The following MOV10L1 variants were observed in gnomAD, a reference collection of about 807,000 sequenced individuals.
MOV10L1 encodes Mov10 like RNA helicase 1.
A neutral mutation model predicts 143.8 loss-of-function variants in MOV10L1; 110 were observed. That is an observed-to-expected ratio of 0.76 (90% CI 0.66 to 0.90). MOV10L1 has a LOEUF of 0.90. Ranked by LOEUF, MOV10L1 falls within the 40% of genes least tolerant of loss-of-function variation. The pLI, the probability that MOV10L1 is intolerant of heterozygous loss-of-function variation, is 0.00. For missense variants in MOV10L1, 1,406 were observed against 1,526.8 expected (o/e 0.92, Z 1.32); for synonymous variants, 593 against 581.1 (o/e 1.02, Z -0.29).
At chr22:50,092,301 C>T (rs1379007827) in intron 2 of MOV10L1, 116 bp downstream of exon 2, 1 of 881,590 alleles carries the variant, frequency 1.1e-6, no homozygotes, top group Non-Finnish European at 1.7e-6. Context: ...GTGGAATGTA[C>T]CTTCAAGGGG....
At chr22:50,099,421 G>C (rs1413859628) in intron 2 of MOV10L1, 22 bp from the exon 3 acceptor site, 21 of 1,611,612 alleles carry the variant, frequency 1.3e-5, no homozygotes, top group Non-Finnish European at 1.5e-5. Context: ...TTATGGTTTA[G>C]AGCGGTGTGT....
chr22:50,117,089 A>T, intron 8 of MOV10L1, 68 bp from the exon 9 acceptor site: 1 of 1,462,684 alleles, frequency 6.8e-7, no homozygotes, highest in Non-Finnish European at 9.3e-7. Context: ...TGTATGTACA[A>T]AGGAAAATTG....
chr22:50,110,584 G>C (rs984517570), intron 5 of MOV10L1, among the ~76,000 whole-genome samples: 1 of 152,064 alleles, frequency 6.6e-6, no homozygotes, highest in Non-Finnish European at 1.5e-5. Flanking sequence ...CTGTTTTGTT[G>C]TTTCACATTT....
At chr22:50,160,223 T>TC (rs995782730) in intron 24 of MOV10L1, among the ~76,000 whole-genome samples, 1 of 40,420 alleles carries the variant, frequency 2.5e-5, no homozygotes, top group Admixed American at 2.8e-4. Flanking sequence ...CTTCTCCCCC[T>TC]CCCCCCACCT....
chr22:50,102,349 G>A (rs568330482), intron 3 of MOV10L1, among the ~76,000 whole-genome samples: 17 of 152,326 alleles, frequency 1.1e-4, no homozygotes, highest in East Asian at 3.9e-4. Context: ...GTCGTACCAC[G>A]TAGCTGAAAG....
In MOV10L1 at chr22:50,136,095, C is replaced by T. The variant is rs1038978288; in HGVS notation, c.2070+1465C>T. Among the ~76,000 whole-genome samples the T allele has an allele frequency of 2.6e-5, 4 of 152,152 alleles. No individual in the cohort carries two copies. The South Asian group carries it at 6.2e-4, about 24-fold the overall frequency. ...AATGCCTATACAATCATGGAAAATACGACAAATGAAGCAGCAAGAGGTTAT... is the reference window on the plus strand; with the variant it reads ...AATGCCTATACAATCATGGAAAATATGACAAATGAAGCAGCAAGAGGTTAT... On this transcript the variant is annotated intron_variant, in intron 15 of 26. Transcript: ENST00000262794.
chr22:50,157,761 CAAAAAAAA>C (rs35212822), intron 22 of MOV10L1, among the ~76,000 whole-genome samples: 4 of 120,326 alleles, frequency 3.3e-5, no homozygotes, highest in Admixed American at 8.5e-5. Flanking sequence ...GGTCTAATAT[CAAAAAAAA>C]AAAAAAAAAA....
chr22:50,159,659 C>A lies in MOV10L1; in HGVS notation c.3217-19C>A. 2 of 1,488,370 alleles carry A rather than the reference C, an allele frequency of 1.3e-6. No homozygotes were observed. Among genetic ancestry groups the A allele is most frequent in the South Asian group, 1.2e-5 (1 of 86,228 alleles). The allele number at this position is 1,488,370 out of a possible 1,614,324, so 92.2% of individuals were successfully genotyped here. A position where few individuals can be genotyped will look rare whatever the true frequency, so the allele number is the denominator to read the frequency against. ...TTGTACAGTGTTATCTTTAGTCTTT[C>A]TTTTAATCTGTTCTCAAGGTGGAGA... On this transcript the variant is annotated intron_variant, in intron 23 of 26. Coordinates refer to ENST00000262794, the MANE Select transcript of MOV10L1 (RefSeq NM_018995.3). This position sits in a 1 kb window ranked among gnomAD's most constrained non-coding sequence, Gnocchi z 4.1.
chr22:50,125,913 G>A (rs1005672558), intron 11 of MOV10L1, among the ~76,000 whole-genome samples: 2 of 151,260 alleles, frequency 1.3e-5, no homozygotes, highest in Non-Finnish European at 2.9e-5. Context: ...TTAGCCTCCC[G>A]AGTAGCTGGA....
At chr22:50,143,968 T>C (rs974346588) in intron 17 of MOV10L1, 129 bp from the exon 18 acceptor site, 1 of 1,229,604 alleles carries the variant, frequency 8.1e-7, no homozygotes, top group Non-Finnish European at 1.1e-6. Context: ...TCTCAGTGTG[T>C]TGGGGGCTGG....
Position 50,147,083 on chromosome 22 carries a change from G to C in MOV10L1, c.2627+1273G>C, listed in dbSNP as rs1221470855. The C allele has an allele frequency of 1.9e-6, 3 of 1,561,180 alleles. No homozygotes were observed. In the East Asian group the frequency reaches 7.2e-5, roughly 37 times the overall value. On this transcript the variant is annotated intron_variant, in intron 19 of 26. Transcript: ENST00000262794. ...AGCCGAAGAGCCAGTCCTCACTGGGGTGCAGAGGGCTCTTTGGGGGCAGAG... is the reference window on the plus strand; with the variant it reads ...AGCCGAAGAGCCAGTCCTCACTGGGCTGCAGAGGGCTCTTTGGGGGCAGAG...
chr22:50,117,948 G>A (rs2147172186), intron 9 of MOV10L1, among the ~76,000 whole-genome samples: 1 of 152,176 alleles, frequency 6.6e-6, no homozygotes, highest in African/African-American at 2.4e-5. Context: ...TGAATAGCAG[G>A]CTTTTTAAAG....
Position 50,142,152 on chromosome 22 carries a change from G to C in MOV10L1, c.2142G>C (p.Pro714=). 6.2e-7 allele frequency: 1 copy of C among 1,613,352 alleles called. No individual in the cohort carries two copies. The highest frequency in any genetic ancestry group is 1.1e-5 in the South Asian group (1 of 91,018). ...GGCGTGTTGGTGACAAGGACCTGCC[G>C]GTGCTGGCACCCTTTACTGCAGAGA... The part of the protein sequence containing the change: ...EERRVGDKDL[P]VLAPFTAEMS... The change falls in exon 16 of 27, where the codon CCG becomes CCC. Residue 714 remains proline (P), a synonymous_variant. Transcript: ENST00000262794.
chr22:50,118,188 G>A (rs139158331), intron 9 of MOV10L1, among the ~76,000 whole-genome samples: 158 of 152,312 alleles, frequency 1.0e-3, no homozygotes, highest in African/African-American at 3.7e-3. Context: ...TACCAGGGAA[G>A]AATATCATGT....
At position 50,113,665 on chromosome 22, in the gene MOV10L1, A is replaced by C; in HGVS notation, c.761A>C (p.His254Pro). The C allele has an allele frequency of 6.2e-7, 1 of 1,613,912 alleles. No individual in the cohort carries two copies. Among genetic ancestry groups the C allele is most frequent in the Admixed American group, 1.7e-5 (1 of 59,946 alleles). The change falls in exon 6 of 27, where the codon CAT (histidine) becomes CCT (proline). Residue 254 changes from histidine (H) to proline (P), a missense_variant. By Grantham distance (77) the His-to-Pro change is moderately conservative. Coordinates refer to ENST00000262794, the MANE Select transcript of MOV10L1 (RefSeq NM_018995.3). ...TTTTTCAGAGACGCCGCCCCTGTTC[A>C]TGAGGCCACTCATTTCTATGGAACG... is the stretch of plus-strand genomic sequence containing the variant. ...LVKRRDAAPVHEATHFYGTIL... is the reference protein window; with the variant it reads ...LVKRRDAAPVPEATHFYGTIL...
chr22:50,114,711 G>A (rs2062120944), intron 7 of MOV10L1, 89 bp downstream of exon 7: 1 of 1,546,012 alleles, frequency 6.5e-7, no homozygotes, highest in Middle Eastern at 1.8e-4. Context: ...GGGCAGCAGG[G>A]GCCAGGACAC....
Position 50,159,689 on chromosome 22 carries a change from CAG to C in MOV10L1, c.3230_3231del (p.Arg1077AsnfsTer5), listed in dbSNP as rs2063507210. On this transcript the variant is annotated frameshift_variant, in exon 24 of 27. Coordinates refer to ENST00000262794, the MANE Select transcript of MOV10L1 (RefSeq NM_018995.3). LOFTEE classifies it high-confidence loss of function. This position sits in a 1 kb window ranked among gnomAD's most constrained non-coding sequence, Gnocchi z 4.1. The stretch of plus-strand genomic sequence containing the variant: ...AATCTGTTCTCAAGGTGGAGAAAAT[CAG>C]AATTCTTTTGCGTAATGTTGATCTG... ...TPYRKQVEKI[R>X]ILLRNVDLMD... 1.9e-6 allele frequency: 3 copies of C among 1,607,472 alleles called. No individual in the cohort carries two copies. Among genetic ancestry groups the C allele is most frequent in the Non-Finnish European group, 2.6e-6 (3 of 1,175,180 alleles).
chr22:50,090,484 C>T (rs2062401178), intron 1 of MOV10L1: 2 of 1,610,402 alleles, frequency 1.2e-6, no homozygotes, highest in Non-Finnish European at 1.7e-6. Flanking sequence ...CCATGTCGTT[C>T]CTCCCTGTCC....
At chr22:50,114,099 T>G (rs1483120436) in intron 6 of MOV10L1, among the ~76,000 whole-genome samples, 2 of 151,816 alleles carry the variant, frequency 1.3e-5, no homozygotes, top group African/African-American at 4.8e-5. Context: ...TTTGTATTTT[T>G]AGTAGAGACG....
Sources: allele counts gnomAD v4.1 joint callset (sites outside exome capture counted in the v4.1 genomes callset), GRCh38; gene constraint gnomAD v4.1.1; non-coding constraint Gnocchi (gnomAD v3.1); transcripts MANE v1.5; gene names NCBI Gene and HGNC (gene_info 2026-07-23, HGNC 2026-07-21).